PRSS23: variants seen among roughly 807,000 people sequenced by gnomAD.
PRSS23 encodes the protein protease, serine 23.
PRSS23 carries 25 observed loss-of-function variants against 34.7 expected under a neutral mutation model. The observed-to-expected ratio is 0.72, with a 90% CI of 0.53 to 1.01. The LOEUF (loss-of-function observed/expected upper bound fraction) is 1.01, where lower values mean the gene tolerates loss of function less well. Among genes scored for constraint, PRSS23 ranks in the 50% least tolerant of loss-of-function variants. The pLI is 0.00. For missense variants in PRSS23, 445 were observed against 475.6 expected, an observed-to-expected ratio of 0.94 and a Z score of 0.60; for synonymous variants, 176 against 186.6, an observed-to-expected ratio of 0.94 and a Z score of 0.46.
intron 2 of PRSS23, among the ~76,000 whole-genome samples, chr11:86,894,610 T>C (rs1298294275): frequency 2.0e-5 from 3 of 152,144 alleles, no homozygotes; most frequent in South Asian, 2.1e-4. Flanking sequence ...GACACCTTCA[T>C]GTCTGGCAAT....
chr11:86,819,243 C>G (rs992923514), intron 1 of PRSS23, among the ~76,000 whole-genome samples: 1 of 152,162 alleles, frequency 6.6e-6, no homozygotes, highest in African/African-American at 2.4e-5. Context: ...GAGACCCAGA[C>G]AGCATCACAG....
rs957977413 is a variant in PRSS23, at chr11:86,809,985, G to A, written c.*1190G>A. On this transcript the variant is annotated 3_prime_UTR_variant, in exon 2 of 2. Coordinates refer to ENST00000280258, the MANE Select transcript of PRSS23 (RefSeq NM_007173.6). ...AACCAGTGTGGCCTTTTTCCCTCTA[G>A]CTTTAAAAGGGCCGCTTTTGCTGGA... 1.2e-5 allele frequency: 2 copies of A among 166,918 alleles called. No homozygotes were observed. Among genetic ancestry groups the A allele is most frequent in the African/African-American group, 4.8e-5 (2 of 41,414 alleles). The allele number at this position is 166,918 out of a possible 1,614,324, so 10.3% of individuals were successfully genotyped here. A position where few individuals can be genotyped will look rare whatever the true frequency, so the allele number is the denominator to read the frequency against.
At chr11:86,875,208 T>C (rs1340709455) in intron 2 of PRSS23, among the ~76,000 whole-genome samples, 1 of 152,126 alleles carries the variant, frequency 6.6e-6, no homozygotes, top group East Asian at 1.9e-4. Context: ...AGGCATATTT[T>C]TAAAGTGCCA....
chr11:86,922,255 T>G (rs1277442962), intron 2 of PRSS23, among the ~76,000 whole-genome samples: 1 of 152,216 alleles, frequency 6.6e-6, no homozygotes, highest in Non-Finnish European at 1.5e-5. Context: ...ATGCCTTGTT[T>G]CTGAGATTGA....
chr11:86,796,502 G>A (rs1249853934), upstream of PRSS23, among the ~76,000 whole-genome samples: 2 of 151,382 alleles, frequency 1.3e-5, no homozygotes, highest in Non-Finnish European at 2.9e-5. Context: ...TTAGCCGGGC[G>A]TGGTAGCGGG....
chr11:86,826,455 T>A (rs542414813), intron 2 of PRSS23, among the ~76,000 whole-genome samples: 1 of 152,306 alleles, frequency 6.6e-6, no homozygotes, highest in South Asian at 2.1e-4. Flanking sequence ...CAATTTGACT[T>A]CTTCTTTTCC....
intron 2 of PRSS23, among the ~76,000 whole-genome samples, chr11:86,878,302 A>T (rs1438635439): frequency 1.3e-4 from 12 of 95,566 alleles, no homozygotes; most frequent in Non-Finnish European, 2.0e-4. Context: ...ACGGTCTCCC[A>T]CTGATGCCCA....
chr11:86,850,850 A>T (rs1948523636), intron 2 of PRSS23, among the ~76,000 whole-genome samples: 1 of 152,224 alleles, frequency 6.6e-6, no homozygotes, highest in Non-Finnish European at 1.5e-5. Context: ...AATCTAAGAC[A>T]TGTCACAAAA....
chr11:86,893,287 A>G (rs1000830679), intron 2 of PRSS23, among the ~76,000 whole-genome samples: 2 of 152,212 alleles, frequency 1.3e-5, no homozygotes, highest in Admixed American at 6.5e-5. Context: ...CTAATGTTCT[A>G]AGCCACCCAG....
At chr11:86,825,997 T>A (rs1236831656) in intron 2 of PRSS23, among the ~76,000 whole-genome samples, 3 of 152,208 alleles carry the variant, frequency 2.0e-5, no homozygotes, top group Admixed American at 2.0e-4. Flanking sequence ...TTTAAAGTAG[T>A]TTTTTCCAAT....
chr11:86,792,337 A>T (rs115354203), intron 1 of PRSS23, among the ~76,000 whole-genome samples: 2 of 152,334 alleles, frequency 1.3e-5, no homozygotes, highest in African/African-American at 4.8e-5. Flanking sequence ...CAAGGTGCTC[A>T]TGCTCACTGG....
At chr11:86,912,294 T>G (rs1948983328) in intron 2 of PRSS23, 1 of 152,366 alleles carries the variant, frequency 6.6e-6, no homozygotes, top group South Asian at 2.1e-4. Context: ...TTCATTAAAC[T>G]TCTTAAATCT....
intron 2 of PRSS23, chr11:86,857,168 C>T (rs778983444): frequency 8.7e-6 from 3 of 345,838 alleles, no homozygotes; most frequent in Non-Finnish European, 1.6e-5. Context: ...ATGACCACAG[C>T]GTACATCACT....
intron 2 of PRSS23, among the ~76,000 whole-genome samples, chr11:86,831,525 A>G (rs1948355657): frequency 6.6e-6 from 1 of 152,050 alleles, no homozygotes. Flanking sequence ...TATTATTCGT[A>G]ATAGCCTATA....
At chr11:86,798,759 CA>C (rs1256485645), upstream of PRSS23, among the ~76,000 whole-genome samples, 1 of 152,198 alleles carries the variant, frequency 6.6e-6, no homozygotes, top group Non-Finnish European at 1.5e-5. Context: ...CAGTGGTGAT[CA>C]TAGCTCATTG....
rs924460283 is a variant in PRSS23, at chr11:86,928,516, A to G, written c.207-22700A>G. On this transcript the variant is annotated intron_variant, in intron 2 of 2. Coordinates refer to the PRSS23 transcript ENST00000533902. ...CAGTAAAACCCCATCTCTACTAAAA[A>G]TACAAAACATTAGCCGAGCGTGGTG... is the stretch of plus-strand genomic sequence containing the variant. Among the ~76,000 whole-genome samples, 151 of 148,028 alleles carry G rather than the reference A, an allele frequency of 1.0e-3. 1 individual carries two copies. The highest frequency in any genetic ancestry group is 2.9e-3 in the African/African-American group (116 of 40,634).
intron 2 of PRSS23, among the ~76,000 whole-genome samples, chr11:86,920,506 A>G (rs919886715): frequency 6.6e-6 from 1 of 152,192 alleles, no homozygotes; most frequent in African/African-American, 2.4e-5. Context: ...AATGGCATGG[A>G]AGCCTGGGGA....
chr11:86,879,511 C>T (rs1312561285), intron 2 of PRSS23, among the ~76,000 whole-genome samples: 1 of 127,080 alleles, frequency 7.9e-6, no homozygotes, highest in Non-Finnish European at 1.7e-5. Context: ...GGGATCAGCC[C>T]CCCACCCGGC....
intron 2 of PRSS23, chr11:86,832,878 A>C: frequency 3.1e-6 from 1 of 324,286 alleles, no homozygotes. Context: ...TTATTGGTGA[A>C]GGTGTCACAA....
Sources: allele counts gnomAD v4.1 joint callset (sites outside exome capture counted in the v4.1 genomes callset), GRCh38; gene constraint gnomAD v4.1.1; transcripts MANE v1.5; gene names NCBI Gene and HGNC (gene_info 2026-07-23, HGNC 2026-07-21).